HIPK2: variants seen among roughly 807,000 people sequenced by gnomAD.
The protein encoded by HIPK2 is homeodomain interacting protein kinase 2.
A neutral mutation model predicts 113.7 loss-of-function variants in HIPK2; 27 were observed. The ratio of observed to expected loss-of-function variants is 0.24; its 90% confidence interval spans 0.17 to 0.33. The LOEUF (loss-of-function observed/expected upper bound fraction) is 0.33, where lower values mean the gene tolerates loss of function less well. HIPK2 is among the 10% of genes least tolerant of loss of function. The pLI is 1.00. For synonymous variants in HIPK2, 631 were observed against 642.2 expected (o/e 0.98, Z 0.26); for missense variants, 1,257 against 1,588.0 (o/e 0.79, Z 3.54).
At chr7:139,760,994 A>C (rs141996613) in intron 1 of HIPK2, among the ~76,000 whole-genome samples, 67 of 152,348 alleles carry the variant, frequency 4.4e-4, no homozygotes, top group African/African-American at 1.6e-3. Context: ...ACAAAAGAGT[A>C]ATGATTAGAA....
intron 9 of HIPK2, among the ~76,000 whole-genome samples, chr7:139,612,963 A>T (rs902819831): frequency 1.3e-5 from 2 of 152,230 alleles, no homozygotes; most frequent in African/African-American, 4.8e-5. Flanking sequence ...CATTTCAAAG[A>T]TATAATAATA....
In HIPK2 at chr7:139,569,062, T is replaced by A. The variant is rs137906456; in HGVS notation, c.*3865A>T. Reference sequence around the variant, plus strand: ...CACTGAAGATGTGGCCGGAGCCCAGTGGGGATGCTTTCAGAGGGGGTGCAG... The same window carrying A: ...CACTGAAGATGTGGCCGGAGCCCAGAGGGGATGCTTTCAGAGGGGGTGCAG... On this transcript the variant is annotated 3_prime_UTR_variant, in exon 15 of 15. Coordinates refer to ENST00000406875, the MANE Select transcript of HIPK2 (RefSeq NM_022740.5). 2.3e-3 allele frequency: 355 copies of A among 152,668 alleles called. No individual in the cohort carries two copies. The highest frequency in any genetic ancestry group is 7.5e-3 in the African/African-American group (312 of 41,514). The allele number at this position is 152,668 out of a possible 1,614,324, so 9.5% of individuals were successfully genotyped here. A position where few individuals can be genotyped will look rare whatever the true frequency, so the allele number is the denominator to read the frequency against.
At chr7:139,708,898 G>A (rs749097863) in intron 2 of HIPK2, among the ~76,000 whole-genome samples, 11 of 152,144 alleles carry the variant, frequency 7.2e-5, no homozygotes, top group Non-Finnish European at 1.5e-4. Flanking sequence ...GCCTGAGTCT[G>A]TGTGTGTGCA....
intron 1 of HIPK2, among the ~76,000 whole-genome samples, chr7:139,729,010 A>G (rs1795679043): frequency 6.6e-6 from 1 of 152,118 alleles, no homozygotes; most frequent in South Asian, 2.1e-4. Context: ...CTGAGGAGCA[A>G]CTGTAGTCAC....
At chr7:139,759,557 T>C (rs1391765514) in intron 1 of HIPK2, among the ~76,000 whole-genome samples, 1 of 152,222 alleles carries the variant, frequency 6.6e-6, no homozygotes, top group Non-Finnish European at 1.5e-5. Context: ...TGTGCCATCA[T>C]CACACATCAA....
chr7:139,726,918 C>T (rs955093286), intron 1 of HIPK2, among the ~76,000 whole-genome samples: 6 of 152,156 alleles, frequency 3.9e-5, no homozygotes, highest in African/African-American at 1.2e-4. Context: ...GTGCTGCTGA[C>T]GGTAAGAGCA....
At chr7:139,590,240 G>A (rs1798970905) in intron 12 of HIPK2, among the ~76,000 whole-genome samples, 1 of 152,196 alleles carries the variant, frequency 6.6e-6, no homozygotes, top group African/African-American at 2.4e-5. Flanking sequence ...TTGCTGAAAT[G>A]GCCTTGGAAG....
intron 14 of HIPK2, among the ~76,000 whole-genome samples, chr7:139,574,448 T>C (rs190476596): frequency 0.012 from 1,769 of 152,314 alleles, 11 homozygotes; most frequent in Non-Finnish European, 0.018. Context: ...AGCCCTCTTC[T>C]ACCTGGTGAA....
intron 12 of HIPK2, among the ~76,000 whole-genome samples, chr7:139,589,709 T>C (rs1039506376): frequency 6.6e-6 from 1 of 152,206 alleles, no homozygotes; most frequent in African/African-American, 2.4e-5. Context: ...ATCTCCTTGA[T>C]GGAAACCCAA....
chr7:139,770,086 G>A (rs577649240), intron 1 of HIPK2, among the ~76,000 whole-genome samples: 35 of 152,328 alleles, frequency 2.3e-4, no homozygotes, highest in Non-Finnish European at 2.9e-5. Flanking sequence ...TCAGATTCTG[G>A]TGAGTAGATG....
At chr7:139,652,400 G>A (rs1418481219) in intron 2 of HIPK2, among the ~76,000 whole-genome samples, 1 of 152,182 alleles carries the variant, frequency 6.6e-6, no homozygotes, top group Admixed American at 6.5e-5. Flanking sequence ...TATGTAGTAA[G>A]TTCAATCACT....
chr7:139,709,113 A>G (rs1794990413), intron 2 of HIPK2, among the ~76,000 whole-genome samples: 1 of 152,230 alleles, frequency 6.6e-6, no homozygotes, highest in African/African-American at 2.4e-5. Flanking sequence ...AACAGCCTAC[A>G]TAACTTATTG....
intron 2 of HIPK2, among the ~76,000 whole-genome samples, chr7:139,662,617 CTTTTTTTTT>C (rs373566905): frequency 7.5e-6 from 1 of 133,656 alleles, no homozygotes; most frequent in Non-Finnish European, 1.6e-5. Context: ...TAAAACACCA[CTTTTTTTTT>C]TTTTTTTTTT....
chr7:139,686,659 G>A (rs1051323888), intron 2 of HIPK2, among the ~76,000 whole-genome samples: 5 of 152,194 alleles, frequency 3.3e-5, no homozygotes, highest in Admixed American at 3.3e-4. Context: ...ATGATTGTAA[G>A]TTTTCTAAGG....
intron 1 of HIPK2, among the ~76,000 whole-genome samples, chr7:139,776,681 A>C (rs1456956799): frequency 2.0e-5 from 3 of 152,216 alleles, no homozygotes; most frequent in Admixed American, 6.5e-5. Flanking sequence ...AAACATTTAC[A>C]CGATGAAACG....
chr7:139,587,096 T>C (rs1006433618), intron 12 of HIPK2, among the ~76,000 whole-genome samples: 3 of 152,214 alleles, frequency 2.0e-5, no homozygotes, highest in African/African-American at 7.2e-5. Context: ...GCAAATTTTA[T>C]ATTTTACCAC....
chr7:139,686,943 G>A (rs1224066274), intron 2 of HIPK2, among the ~76,000 whole-genome samples: 1 of 152,158 alleles, frequency 6.6e-6, no homozygotes, highest in Non-Finnish European at 1.5e-5. Context: ...CTGTCATTTT[G>A]ACAAAATTGC....
At chr7:139,652,387 G>T (rs1360439376) in intron 2 of HIPK2, among the ~76,000 whole-genome samples, 1 of 152,154 alleles carries the variant, frequency 6.6e-6, no homozygotes, top group Non-Finnish European at 1.5e-5. Flanking sequence ...ATTATTGAGT[G>T]ATTATGTAGT....
chr7:139,722,454 T>C (rs1053211052), intron 1 of HIPK2, among the ~76,000 whole-genome samples: 2 of 152,358 alleles, frequency 1.3e-5, no homozygotes, highest in Admixed American at 1.3e-4. Context: ...TTTGCATTTA[T>C]AAAAAGCATG....
Sources: gnomAD v4.1 joint callset for allele counts (sites outside exome capture counted in the v4.1 genomes callset) on GRCh38, gnomAD v4.1.1 for gene constraint, MANE v1.5 for transcripts, NCBI Gene and HGNC (gene_info 2026-07-23, HGNC 2026-07-21) for gene names.